The following TANC1 variants were observed in gnomAD, a reference collection of about 807,000 sequenced individuals.
TANC1 encodes the protein tetratricopeptide repeat, ankyrin repeat and coiled-coil containing 1, also known as protein TANC1.
A neutral mutation model predicts 149.7 loss-of-function variants in TANC1; 77 were observed. The ratio of observed to expected loss-of-function variants is 0.51; its 90% CI spans 0.43 to 0.62. TANC1 has a LOEUF of 0.62. TANC1 is among the 20% of genes least tolerant of loss of function. TANC1 has a pLI of 0.00. For synonymous variants in TANC1, 854 were observed against 925.0 expected (o/e 0.92, Z 1.39); for missense variants, 1,985 against 2,321.8 (o/e 0.85, Z 2.98).
intron 22 of TANC1, among the ~76,000 whole-genome samples, chr2:159,220,201 A>C (rs1453575222): frequency 6.6e-6 from 1 of 152,170 alleles, no homozygotes; most frequent in Non-Finnish European, 1.5e-5. Flanking sequence ...ATCCATATAA[A>C]TAAAACTTTT....
chr2:159,126,403 A>G (rs1055131875), intron 4 of TANC1, among the ~76,000 whole-genome samples: 2 of 152,200 alleles, frequency 1.3e-5, no homozygotes, highest in Non-Finnish European at 2.9e-5. Flanking sequence ...CTAGATTTTT[A>G]TATTTGGGTC....
At chr2:159,051,912 C>T (rs1307885144) in intron 2 of TANC1, among the ~76,000 whole-genome samples, 1 of 152,152 alleles carries the variant, frequency 6.6e-6, no homozygotes, top group Non-Finnish European at 1.5e-5. Flanking sequence ...ACCCAGGATC[C>T]ATGAGAAATT....
chr2:159,091,472 A>G (rs1455245554), intron 3 of TANC1, among the ~76,000 whole-genome samples: 1 of 152,180 alleles, frequency 6.6e-6, no homozygotes, highest in African/African-American at 2.4e-5. Context: ...GAGGTCATTT[A>G]TTTTTAAAGC....
chr2:158,985,555 G>A (rs2034899377), intron 1 of TANC1, among the ~76,000 whole-genome samples: 2 of 152,192 alleles, frequency 1.3e-5, no homozygotes, highest in Admixed American at 6.5e-5. Context: ...GTTAACCTCA[G>A]ATTATTACTT....
intron 12 of TANC1, 107 bp from the exon 13 acceptor site, chr2:159,176,245 A>T (rs533781441): frequency 1.7e-6 from 1 of 589,792 alleles, no homozygotes; most frequent in Non-Finnish European, 2.8e-6. Context: ...GCCATATGTA[A>T]ACCTTTTTAG....
chr2:159,120,480 A>G lies in TANC1; in HGVS notation c.260-15714A>G, dbSNP rs1180755625. ...CTTTTGATGTTGAGAGAAGCATTTT[A>G]TGTACAAATGATATGAATTTTGCAT... On this transcript the variant is annotated intron_variant, in intron 4 of 26. Coordinates refer to ENST00000263635, the MANE Select transcript of TANC1 (RefSeq NM_033394.3). 4.6e-5 allele frequency among the ~76,000 whole-genome samples: 7 copies of G among 152,136 alleles called. No individual in the cohort carries two copies. The South Asian group carries it at 1.2e-3, about 27-fold the overall frequency.
At chr2:159,063,485 TGTTA>T (rs2042414592) in intron 2 of TANC1, among the ~76,000 whole-genome samples, 1 of 152,198 alleles carries the variant, frequency 6.6e-6, no homozygotes, top group African/African-American at 2.4e-5. Context: ...CTCTGATCTG[TGTTA>T]GTTTCAGAAT....
rs1004335367 is a variant in TANC1, at chr2:159,001,827, G to A, written c.-16+638G>A. On this transcript the variant is annotated intron_variant, in intron 2 of 26. Transcript: ENST00000263635. The surrounding 1 kb of genome is among the most constrained non-coding windows in gnomAD (Gnocchi z 4.3). Reference sequence around the variant, plus strand: ...CACTCCAAAGCCCTTGCTTGTAATTGTTAGGGAATTGAACAGTGGACAGAA... The same window carrying A: ...CACTCCAAAGCCCTTGCTTGTAATTATTAGGGAATTGAACAGTGGACAGAA... Among the ~76,000 whole-genome samples, 1 of 152,136 alleles carries A rather than the reference G, an allele frequency of 6.6e-6. No individual in the cohort carries two copies. Among genetic ancestry groups the A allele is most frequent in the Non-Finnish European group, 1.5e-5 (1 of 68,032 alleles).
chr2:159,192,893 G>A (rs940387628), intron 16 of TANC1, among the ~76,000 whole-genome samples: 1 of 152,024 alleles, frequency 6.6e-6, no homozygotes, highest in Non-Finnish European at 1.5e-5. Context: ...CAGGTGATCC[G>A]CCCGCCTCAG....
intron 4 of TANC1, among the ~76,000 whole-genome samples, chr2:159,121,770 G>A (rs779052400): frequency 4.6e-5 from 7 of 152,200 alleles, no homozygotes; most frequent in Non-Finnish European, 8.8e-5. Context: ...CATTTGCACT[G>A]CCAAGTTTTC....
intron 3 of TANC1, among the ~76,000 whole-genome samples, chr2:159,079,389 C>T (rs1010034542): frequency 8.0e-6 from 1 of 125,300 alleles, no homozygotes; most frequent in Non-Finnish European, 1.6e-5. Flanking sequence ...GTGTTTCAGA[C>T]AGTGTGCTGC....
At chr2:159,178,412 C>T in intron 13 of TANC1, 144 bp from the exon 14 acceptor site, 3 of 941,336 alleles carry the variant, frequency 3.2e-6, no homozygotes, top group South Asian at 3.7e-5. Context: ...TATCCTATTA[C>T]ACGTTTTAAT....
At chr2:159,211,956 C>A (rs2059012093) in intron 19 of TANC1, among the ~76,000 whole-genome samples, 1 of 152,326 alleles carries the variant, frequency 6.6e-6, no homozygotes. Flanking sequence ...CGGGGTGGCG[C>A]ACTCGCCCCT....
At chr2:159,030,808 ATT>A (rs1486828726) in intron 2 of TANC1, among the ~76,000 whole-genome samples, 1 of 152,120 alleles carries the variant, frequency 6.6e-6, no homozygotes, top group East Asian at 1.9e-4. Flanking sequence ...GTGATGAGTC[ATT>A]TCCTAATGCA....
Position 159,163,413 on chromosome 2 carries a change from A to G in TANC1, c.813A>G (p.Pro271=), listed in dbSNP as rs765756240. The change falls in exon 8 of 27, where the codon CCA becomes CCG. Residue 271 remains proline, a synonymous_variant. Coordinates refer to ENST00000263635, the MANE Select transcript of TANC1 (RefSeq NM_033394.3). The part of the protein sequence containing the change: ...LHDRRADNCS[P]VAEEETTGSA... Reference sequence around the variant, plus strand: ...ACCGCAGGGCAGATAACTGCTCCCCAGTGGCAGAAGAGGAGACCACCGGGT... The same window carrying G: ...ACCGCAGGGCAGATAACTGCTCCCCGGTGGCAGAAGAGGAGACCACCGGGT... 3 of 1,614,170 alleles carry G rather than the reference A, an allele frequency of 1.9e-6. No homozygotes were observed. Among genetic ancestry groups the G allele is most frequent in the South Asian group, 1.1e-5 (1 of 91,078 alleles).
intron 1 of TANC1, among the ~76,000 whole-genome samples, chr2:158,996,461 T>C (rs2036146334): frequency 6.6e-6 from 1 of 152,274 alleles, no homozygotes; most frequent in African/African-American, 2.4e-5. Flanking sequence ...TTGATATTTT[T>C]GTACACACGC....
chr2:159,003,702 C>T (rs1384374490), intron 2 of TANC1, among the ~76,000 whole-genome samples: 1 of 152,206 alleles, frequency 6.6e-6, no homozygotes, highest in Non-Finnish European at 1.5e-5. Flanking sequence ...GAGGGAGAGG[C>T]GGGGTCAGCT....
intron 20 of TANC1, among the ~76,000 whole-genome samples, chr2:159,218,481 T>C (rs927513701): frequency 1.3e-5 from 2 of 152,218 alleles, no homozygotes; most frequent in African/African-American, 2.4e-5. Flanking sequence ...TTGGAAAGCA[T>C]TTGTTAGTGG....
intron 2 of TANC1, among the ~76,000 whole-genome samples, chr2:159,062,992 A>AAAAAAAAAAAAAAAAAAAAAAG (rs1559188236): frequency 4.1e-5 from 6 of 147,414 alleles, no homozygotes; most frequent in African/African-American, 1.2e-4. Flanking sequence ...AAAAAAAAAA[A>AAAAAAAAAAAAAAAAAAAAAAG]AAAGAAAGCA....
Sources: gnomAD v4.1 joint callset for allele counts (sites outside exome capture counted in the v4.1 genomes callset) on GRCh38, gnomAD v4.1.1 for gene constraint, Gnocchi (gnomAD v3.1) non-coding constraint, MANE v1.5 for transcripts, NCBI Gene and HGNC (gene_info 2026-07-23, HGNC 2026-07-21) for gene names.